STK32A: variants seen among roughly 807,000 people sequenced by gnomAD.
STK32A encodes the protein serine/threonine-protein kinase 32A.
A neutral mutation model predicts 53.2 loss-of-function variants in STK32A; 41 were observed. The ratio of observed to expected loss-of-function variants is 0.77; its 90% CI spans 0.60 to 1.00. The LOEUF (loss-of-function observed/expected upper bound fraction) is 1.00, where lower values mean the gene tolerates loss of function less well. STK32A is among the 50% of genes least tolerant of loss of function. The probability of loss-of-function intolerance (pLI) is 0.00; values close to 1 mark genes in which losing one functional copy is unlikely to be tolerated. For synonymous variants in STK32A, 166 were observed against 162.8 expected (o/e 1.02, Z -0.15); for missense variants, 458 against 485.8 (o/e 0.94, Z 0.54).
Position 147,278,176 on chromosome 5 carries a change from G to T in STK32A, c.105G>T (p.Gly35=), listed in dbSNP as rs373387498. The T allele has an allele frequency of 1.3e-6, 2 of 1,597,482 alleles. No homozygotes were observed. Among genetic ancestry groups the T allele is most frequent in the African/African-American group, 2.7e-5 (2 of 74,740 alleles). The change falls in exon 3 of 13, where the codon GGG becomes GGT. Residue 35 remains glycine, a synonymous_variant. Transcript: ENST00000397936. ...ILRAIGKGSF[G]KVCIVQKNDT... ...GAGCCATTGGGAAAGGCAGTTTTGG[G>T]AAGGTGAGAACAAATTGAAATGATT...
chr5:147,382,751 T>C (rs1265390535), intron 11 of STK32A: 1 of 152,232 alleles, frequency 6.6e-6, no homozygotes, highest in African/African-American at 2.4e-5. Flanking sequence ...CACATGCAGT[T>C]GTTTTTGAAT....
At chr5:147,280,888 T>G (rs1752034472) in intron 4 of STK32A, among the ~76,000 whole-genome samples, 2 of 152,114 alleles carry the variant, frequency 1.3e-5, no homozygotes, top group African/African-American at 4.8e-5. Context: ...TCCATTGTAC[T>G]CCCTGCCACC....
chr5:147,245,258 C>T (rs746151822), intron 2 of STK32A, among the ~76,000 whole-genome samples: 22 of 152,158 alleles, frequency 1.4e-4, no homozygotes, highest in African/African-American at 4.8e-4. Flanking sequence ...TAAGTAATCC[C>T]ATTTGATCAA....
At chr5:147,293,008 A>G (rs1752678697) in intron 4 of STK32A, among the ~76,000 whole-genome samples, 1 of 152,222 alleles carries the variant, frequency 6.6e-6, no homozygotes, top group Non-Finnish European at 1.5e-5. Context: ...CATTGATATG[A>G]TTTCCAAAAC....
chr5:147,254,573 G>A (rs11956682), intron 2 of STK32A, among the ~76,000 whole-genome samples: 47,510 of 152,016 alleles, frequency 0.31, 7,717 homozygotes, highest in African/African-American at 0.38. Context: ...AATAATGGTG[G>A]GCGCACACTT....
At chr5:147,401,724 G>C in the STK32A span, 1 of 1,613,482 alleles carries the variant, frequency 6.2e-7, no homozygotes, top group Admixed American at 1.7e-5. Flanking sequence ...CAGACAAGGG[G>C]TTAGCATAAA....
chr5:147,395,476 T>A, the STK32A span: 1 of 1,514,316 alleles, frequency 6.6e-7, no homozygotes, highest in Non-Finnish European at 8.9e-7. Flanking sequence ...TCAGGTTGAG[T>A]TCTGAGGAAC....
At chr5:147,394,449 C>T in the STK32A span, among the ~76,000 whole-genome samples, 4 of 152,186 alleles carry the variant, frequency 2.6e-5, no homozygotes, top group Non-Finnish European at 5.9e-5. Flanking sequence ...TAACCATTAT[C>T]TCCTTTAATC....
At chr5:147,394,032 T>C in the STK32A span, 4 of 1,613,948 alleles carry the variant, frequency 2.5e-6, no homozygotes, top group Non-Finnish European at 2.5e-6. Context: ...GAGGAAGGCT[T>C]GCTTAACTCA....
intron 2 of STK32A, among the ~76,000 whole-genome samples, chr5:147,266,251 G>A (rs981324638): frequency 6.6e-6 from 1 of 152,146 alleles, no homozygotes; most frequent in Non-Finnish European, 1.5e-5. Context: ...AATCTCAGTG[G>A]CAGTTCTTAA....
At chr5:147,331,918 G>A (rs1360597214) in intron 5 of STK32A, among the ~76,000 whole-genome samples, 1 of 152,154 alleles carries the variant, frequency 6.6e-6, no homozygotes, top group African/African-American at 2.4e-5. Flanking sequence ...AGTTTCAGAG[G>A]GAGCATGGGC....
At chr5:147,287,093 A>G (rs1427246820) in intron 4 of STK32A, among the ~76,000 whole-genome samples, 1 of 152,228 alleles carries the variant, frequency 6.6e-6, no homozygotes, top group East Asian at 1.9e-4. Flanking sequence ...TTGTCAACAA[A>G]TAGCTTTTGC....
At chr5:147,366,094 C>A (rs1331457880) in intron 8 of STK32A, among the ~76,000 whole-genome samples, 1 of 151,980 alleles carries the variant, frequency 6.6e-6, no homozygotes, top group Non-Finnish European at 1.5e-5. Flanking sequence ...TGCACCCCCG[C>A]CCACTCCCCA....
chr5:147,376,427 A>G lies in STK32A; in HGVS notation c.1032+1209A>G, dbSNP rs556222131. Reference sequence around the variant, plus strand: ...GACTTGCTCCTTCCCCTGACCTAGCAGAACTTGGCTCAAGGTGGATACAGG... The same window carrying G: ...GACTTGCTCCTTCCCCTGACCTAGCGGAACTTGGCTCAAGGTGGATACAGG... On this transcript the variant is annotated intron_variant, in intron 11 of 12. Coordinates refer to ENST00000397936, the MANE Select transcript of STK32A (RefSeq NM_001112724.2). 1.2e-3 allele frequency among the ~76,000 whole-genome samples: 183 copies of G among 152,318 alleles called. 1 individual carries two copies. The highest frequency in any genetic ancestry group is 4.4e-3 in the African/African-American group (181 of 41,578).
At chr5:147,258,170 T>TTTTTTTTTTTTTTTTTGAGAC (rs1554099682) in intron 2 of STK32A, among the ~76,000 whole-genome samples, 2 of 147,980 alleles carry the variant, frequency 1.4e-5, no homozygotes, top group African/African-American at 5.1e-5. Flanking sequence ...TTATAATTTT[T>TTTTTTTTTTTTTTTTTGAGAC]GTTAAAGAGC....
intron 8 of STK32A, among the ~76,000 whole-genome samples, chr5:147,369,176 T>G (rs1756899109): frequency 6.6e-6 from 1 of 152,168 alleles, no homozygotes; most frequent in Non-Finnish European, 1.5e-5. Context: ...TGGTCCTTTA[T>G]TTAGTGTTGA....
chr5:147,307,224 C>T (rs767731500), intron 4 of STK32A, among the ~76,000 whole-genome samples: 40 of 151,760 alleles, frequency 2.6e-4, no homozygotes, highest in South Asian at 1.5e-3. Context: ...TTTTTCACTG[C>T]AATAATGGTT....
intron 2 of STK32A, among the ~76,000 whole-genome samples, chr5:147,242,252 G>A (rs1753615474): frequency 6.6e-6 from 1 of 152,160 alleles, no homozygotes; most frequent in Non-Finnish European, 1.5e-5. Flanking sequence ...CTCTCTGTCT[G>A]TTTATGCAGA....
chr5:147,294,160 T>C (rs942821665), intron 4 of STK32A, among the ~76,000 whole-genome samples: 1 of 152,352 alleles, frequency 6.6e-6, no homozygotes, highest in East Asian at 1.9e-4. Flanking sequence ...GAAAAACTTA[T>C]AAACAATTCT....
Sources: allele counts gnomAD v4.1 joint callset (sites outside exome capture counted in the v4.1 genomes callset), GRCh38; gene constraint gnomAD v4.1.1; transcripts MANE v1.5; gene names NCBI Gene and HGNC (gene_info 2026-07-23, HGNC 2026-07-21).